The following HNRNPC variants were observed in gnomAD, a reference collection of about 807,000 sequenced individuals.
HNRNPC encodes the protein heterogeneous nuclear ribonucleoprotein C, also known as heterogeneous nuclear ribonucleoproteins C1/C2.
Under a neutral mutation model 33.2 loss-of-function variants are expected in HNRNPC, and 3 were observed. That is an observed-to-expected ratio of 0.09 (90% CI 0.04 to 0.23). The LOEUF (loss-of-function observed/expected upper bound fraction) is 0.23. Ranked by LOEUF, HNRNPC falls within the 10% of genes least tolerant of loss-of-function variation. The pLI, the probability that HNRNPC is intolerant of heterozygous loss-of-function variation, is 1.00. For missense variants in HNRNPC, 143 were observed against 366.7 expected (o/e 0.39, Z 4.98); for synonymous variants, 121 against 126.7 (o/e 0.96, Z 0.30).
chr14:21,240,614 CTTT>C lies in HNRNPC; in HGVS notation c.-36-6388_-36-6386del, dbSNP rs140766623. ...AACATGGAGTCAAGACTTCAGCTTC[CTTT>C]TTTATCTGGGCACTGTATGCCAGCT... On this transcript the variant is annotated intron_variant, in intron 2 of 8. Transcript: ENST00000553300. Among the ~76,000 whole-genome samples the C allele has an allele frequency of 6.2e-3, 938 of 152,202 alleles. 11 individuals carry two copies. Among genetic ancestry groups the C allele is most frequent in the African/African-American group, 0.021 (869 of 41,534 alleles).
intron 2 of HNRNPC, among the ~76,000 whole-genome samples, chr14:21,244,322 T>C (rs747811669): frequency 6.6e-6 from 1 of 152,214 alleles, no homozygotes; most frequent in Non-Finnish European, 1.5e-5. Context: ...TATAAAGCAC[T>C]TTTATAATCA....
At chr14:21,226,549 C>T (rs1445824839) in intron 5 of HNRNPC, among the ~76,000 whole-genome samples, 2 of 147,466 alleles carry the variant, frequency 1.4e-5, no homozygotes, top group Admixed American at 6.9e-5. Context: ...ACAAAACCAG[C>T]GCCTTCAAAT....
intron 2 of HNRNPC, among the ~76,000 whole-genome samples, chr14:21,244,849 G>A (rs78490607): frequency 0.023 from 3,475 of 152,160 alleles, 88 homozygotes; most frequent in Middle Eastern, 0.082. Flanking sequence ...GGGCGGGAAA[G>A]GTGGTTCACG....
chr14:21,260,840 G>A (rs1385132665), intron 2 of HNRNPC, among the ~76,000 whole-genome samples: 4 of 151,872 alleles, frequency 2.6e-5, no homozygotes, highest in African/African-American at 9.7e-5. Context: ...GTCCGTGCCT[G>A]TAGTCTCAGC....
intron 2 of HNRNPC, among the ~76,000 whole-genome samples, chr14:21,260,352 C>A: frequency 7.6e-6 from 1 of 131,854 alleles, no homozygotes; most frequent in African/African-American, 3.0e-5. Flanking sequence ...GGTGACAGAG[C>A]GAGACTCCGT....
chr14:21,260,223 CG>C (rs1877978937), intron 2 of HNRNPC, among the ~76,000 whole-genome samples: 1 of 148,862 alleles, frequency 6.7e-6, no homozygotes, highest in African/African-American at 2.5e-5. Flanking sequence ...AAAAATTAGC[CG>C]GGCATAGTAG....
At chr14:21,254,041 C>A (rs1896958969) in intron 2 of HNRNPC, among the ~76,000 whole-genome samples, 1 of 144,146 alleles carries the variant, frequency 6.9e-6, no homozygotes. Flanking sequence ...CCAGCCTGGG[C>A]TAGAGTGAGA....
intron 5 of HNRNPC, among the ~76,000 whole-genome samples, chr14:21,225,809 C>A (rs1893354860): frequency 6.6e-6 from 1 of 152,094 alleles, no homozygotes; most frequent in South Asian, 2.1e-4. Context: ...TTTATTAGTT[C>A]TGCAATATCA....
intron 1 of HNRNPC, among the ~76,000 whole-genome samples, chr14:21,266,428 G>A (rs950009599): frequency 6.6e-6 from 1 of 151,952 alleles, no homozygotes; most frequent in Non-Finnish European, 1.5e-5. Context: ...CAAAATGCCT[G>A]ACCTTCCAGT....
chr14:21,221,156 C>G (rs190291513), intron 5 of HNRNPC, among the ~76,000 whole-genome samples: 2 of 152,298 alleles, frequency 1.3e-5, no homozygotes, highest in Non-Finnish European at 2.9e-5. Context: ...GAGGTGAAAT[C>G]ATATGCCTGC....
intron 5 of HNRNPC, among the ~76,000 whole-genome samples, chr14:21,215,547 A>C (rs921755413): frequency 6.6e-6 from 1 of 152,210 alleles, no homozygotes; most frequent in East Asian, 1.9e-4. Context: ...TTGGTATAAA[A>C]TCTAGTCAGA....
chr14:21,243,112 G>A (rs1443676523), intron 2 of HNRNPC, among the ~76,000 whole-genome samples: 2 of 152,010 alleles, frequency 1.3e-5, no homozygotes, highest in Non-Finnish European at 2.9e-5. Flanking sequence ...AGGAGAGGTG[G>A]GGGGGTGGGC....
chr14:21,237,060 A>C (rs751539459), intron 2 of HNRNPC, among the ~76,000 whole-genome samples: 7 of 152,218 alleles, frequency 4.6e-5, no homozygotes, highest in Non-Finnish European at 1.0e-4. Flanking sequence ...AAGCAGTTAA[A>C]ACTTAGAAGT....
intron 5 of HNRNPC, among the ~76,000 whole-genome samples, chr14:21,226,832 A>C (rs1440777244): frequency 7.5e-6 from 1 of 133,186 alleles, no homozygotes; most frequent in Non-Finnish European, 1.6e-5. Flanking sequence ...GTAAGCCAAG[A>C]CCAACCCACT....
chr14:21,234,392 A>G, intron 2 of HNRNPC, 163 bp from the exon 3 acceptor site: 1 of 541,754 alleles, frequency 1.8e-6, no homozygotes, highest in Non-Finnish European at 3.2e-6. Context: ...AATTTCAGAG[A>G]CTCCAGCCTC....
At chr14:21,237,088 T>C (rs1341378000) in intron 2 of HNRNPC, among the ~76,000 whole-genome samples, 1 of 152,154 alleles carries the variant, frequency 6.6e-6, no homozygotes, top group Non-Finnish European at 1.5e-5. Flanking sequence ...GCTCCAATAG[T>C]GGGTGAGCAC....
At chr14:21,241,425 G>A (rs1331792482) in intron 2 of HNRNPC, among the ~76,000 whole-genome samples, 1 of 152,068 alleles carries the variant, frequency 6.6e-6, no homozygotes, top group Non-Finnish European at 1.5e-5. Flanking sequence ...TGGCAGCAAT[G>A]AGTTGTCAAT....
In HNRNPC at chr14:21,212,951, AATAC is replaced by A; in HGVS notation, c.523+5_523+8del. 1 of 1,613,186 alleles carries A rather than the reference AATAC, an allele frequency of 6.2e-7. No homozygotes were observed. Among genetic ancestry groups the A allele is most frequent in the South Asian group, 1.1e-5 (1 of 91,038 alleles). On this transcript the variant is annotated splice_donor_5th_base_variant and intron_variant, in intron 6 of 8. Transcript: ENST00000553300. The stretch of plus-strand genomic sequence containing the variant: ...AGATACCAAAATCACAAAATGAAAT[AATAC>A]ATACACTTTCCAGACTTGGAAGATC...
At chr14:21,214,451 T>G (rs183087062) in intron 5 of HNRNPC, among the ~76,000 whole-genome samples, 1 of 152,260 alleles carries the variant, frequency 6.6e-6, no homozygotes, top group Admixed American at 6.5e-5. Flanking sequence ...GGAGTGGCTA[T>G]GGACAGGAAC....
Sources: gnomAD v4.1 joint callset for allele counts (sites outside exome capture counted in the v4.1 genomes callset) on GRCh38, gnomAD v4.1.1 for gene constraint, MANE v1.5 for transcripts, NCBI Gene and HGNC (gene_info 2026-07-23, HGNC 2026-07-21) for gene names.